ANO2: variants seen among roughly 807,000 people sequenced by gnomAD.
ANO2 encodes anoctamin-2.
Under a neutral mutation model 124.2 loss-of-function variants are expected in ANO2, and 101 were observed. That is an observed-to-expected ratio of 0.81 (90% CI 0.69 to 0.96). The LOEUF (loss-of-function observed/expected upper bound fraction) is 0.96. ANO2 is among the 40% of genes least tolerant of loss of function. ANO2 has a pLI of 0.00. For synonymous variants in ANO2, 486 were observed against 482.5 expected (o/e 1.01, Z -0.09); for missense variants, 1,293 against 1,274.5 (o/e 1.01, Z -0.22).
intron 14 of ANO2, among the ~76,000 whole-genome samples, chr12:5,662,700 T>C (rs541712539): frequency 1.3e-5 from 2 of 152,366 alleles, no homozygotes; most frequent in African/African-American, 4.8e-5. Context: ...GACGCTGCAA[T>C]TGGCCCTCAT....
At chr12:5,834,603 A>G (rs1954259666) in intron 4 of ANO2, among the ~76,000 whole-genome samples, 1 of 152,236 alleles carries the variant, frequency 6.6e-6, no homozygotes, top group African/African-American at 2.4e-5. Context: ...ACAGGGCAAG[A>G]GCCTCCCCAG....
chr12:5,840,869 G>T (rs992534845), intron 4 of ANO2, among the ~76,000 whole-genome samples: 10 of 152,118 alleles, frequency 6.6e-5, no homozygotes, highest in African/African-American at 2.4e-4. Context: ...ATTACTTATG[G>T]TATCTCACTC....
At chr12:5,792,673 C>T (rs573865583) in intron 10 of ANO2, among the ~76,000 whole-genome samples, 101 of 152,296 alleles carry the variant, frequency 6.6e-4, no homozygotes, top group African/African-American at 2.3e-3. Context: ...AATGGCTAGT[C>T]GAAGGCCAAT....
intron 1 of ANO2, among the ~76,000 whole-genome samples, chr12:5,923,171 CACGCACACACACAT>C (rs1941865242): frequency 1.9e-5 from 1 of 53,076 alleles, no homozygotes; most frequent in Non-Finnish European, 5.0e-5. Flanking sequence ...CATACACACA[CACGCACACACACAT>C]ACACACACAC....
At position 5,750,828 on chromosome 12, in the gene ANO2, T is replaced by C. The variant is rs1179115100; in HGVS notation, c.1190+8A>G. On this transcript the variant is annotated splice_region_variant and intron_variant, in intron 11 of 24. Coordinates refer to ENST00000682330, the MANE Select transcript of ANO2 (RefSeq NM_001364791.2). ...GCAACTGAGCCCTTTTCTTTAAAAC[T>C]GATTTACCTGGGAATATCTTCTTCA... The C allele has an allele frequency of 1.2e-6, 2 of 1,607,358 alleles. No homozygotes were observed. Among genetic ancestry groups the C allele is most frequent in the Admixed American group, 1.7e-5 (1 of 58,590 alleles).
Position 5,575,873 on chromosome 12 carries a change from G to C in ANO2, c.2582C>G (p.Pro861Arg). The change falls in exon 23 of 25, where the codon CCA becomes CGA. Residue 861 changes from proline to arginine, a missense_variant. By Grantham distance (103) the Pro-to-Arg change is moderately radical (BLOSUM62 -2). Coordinates refer to ENST00000682330, the MANE Select transcript of ANO2 (RefSeq NM_001364791.2). ...CTCCTGGTCAAACTGTGAGTTTTCTGGCTGCGTCCCCTCCTTCAGCTGGCT... is the reference window on the plus strand; with the variant it reads ...CTCCTGGTCAAACTGTGAGTTTTCTCGCTGCGTCCCCTCCTTCAGCTGGCT... The part of the protein sequence containing the change: ...NVSQLKEGTQ[P>R]ENSQFDQEVQ... The C allele has an allele frequency of 6.2e-7, 1 of 1,613,888 alleles. No individual in the cohort carries two copies. Among genetic ancestry groups the C allele is most frequent in the Non-Finnish European group, 8.5e-7 (1 of 1,179,864 alleles).
At chr12:5,791,950 T>C (rs1483114757) in intron 10 of ANO2, among the ~76,000 whole-genome samples, 1 of 152,166 alleles carries the variant, frequency 6.6e-6, no homozygotes, top group Non-Finnish European at 1.5e-5. Context: ...TTATTTGTAT[T>C]ATATTGTAAT....
chr12:5,924,352 T>C (rs143798489), intron 1 of ANO2, among the ~76,000 whole-genome samples: 30 of 152,320 alleles, frequency 2.0e-4, no homozygotes, highest in African/African-American at 6.7e-4. Context: ...GCTTTCATCA[T>C]TCCTTTCTAT....
At chr12:5,718,536 G>C (rs777139604) in intron 14 of ANO2, among the ~76,000 whole-genome samples, 1 of 152,232 alleles carries the variant, frequency 6.6e-6, no homozygotes, top group Non-Finnish European at 1.5e-5. Context: ...AAAGAACAAA[G>C]GAGGTGGGGG....
intron 6 of ANO2, 22 bp downstream of exon 6, chr12:5,830,412 AC>A: frequency 6.2e-7 from 1 of 1,610,518 alleles, no homozygotes; most frequent in Non-Finnish European, 8.5e-7. Context: ...CTCTTTCCTA[AC>A]ACAGTACATC....
At chr12:5,686,707 C>A (rs1445550963) in intron 14 of ANO2, among the ~76,000 whole-genome samples, 1 of 152,224 alleles carries the variant, frequency 6.6e-6, no homozygotes, top group Non-Finnish European at 1.5e-5. Flanking sequence ...GCAGCAAGCG[C>A]CCACCCAAGG....
intron 20 of ANO2, among the ~76,000 whole-genome samples, chr12:5,597,623 T>A (rs1943730205): frequency 6.6e-6 from 1 of 152,168 alleles, no homozygotes; most frequent in Admixed American, 6.5e-5. Context: ...ACAGACAAGG[T>A]TGACAAGCAT....
intron 3 of ANO2, among the ~76,000 whole-genome samples, chr12:5,874,985 G>T (rs1313699409): frequency 1.3e-5 from 2 of 152,158 alleles, no homozygotes; most frequent in Admixed American, 6.5e-5. Flanking sequence ...AAAAGTAGGT[G>T]GGAAGCTGGA....
intron 3 of ANO2, among the ~76,000 whole-genome samples, chr12:5,905,347 G>A (rs1940600367): frequency 6.6e-6 from 1 of 152,150 alleles, no homozygotes; most frequent in Non-Finnish European, 1.5e-5. Context: ...CAAAATAGGG[G>A]CAGTGGTAGT....
At chr12:5,940,027 G>A (rs796357753) in intron 1 of ANO2, among the ~76,000 whole-genome samples, 62 of 152,286 alleles carry the variant, frequency 4.1e-4, no homozygotes, top group African/African-American at 1.5e-3. Context: ...ACAAGGCAGG[G>A]ATATGGTAAA....
intron 6 of ANO2, 132 bp downstream of exon 6, chr12:5,830,303 C>A (rs1954109087): frequency 7.9e-6 from 7 of 883,784 alleles, no homozygotes; most frequent in Non-Finnish European, 1.2e-5. Context: ...CTTGCATACT[C>A]TTCTCTGTTG....
At chr12:5,761,428 T>C (rs1236603128) in intron 10 of ANO2, among the ~76,000 whole-genome samples, 2 of 152,120 alleles carry the variant, frequency 1.3e-5, no homozygotes, top group African/African-American at 2.4e-5. Flanking sequence ...TCCACAGATA[T>C]GGGTAAAAAA....
At chr12:5,888,787 A>AAT (rs1939166112) in intron 3 of ANO2, among the ~76,000 whole-genome samples, 1 of 152,218 alleles carries the variant, frequency 6.6e-6, no homozygotes, top group Admixed American at 6.5e-5. Context: ...GCTGGACATA[A>AAT]AGGTTCTCCA....
At chr12:5,838,274 A>T (rs1387845233) in intron 4 of ANO2, among the ~76,000 whole-genome samples, 1 of 152,212 alleles carries the variant, frequency 6.6e-6, no homozygotes. Context: ...GATGCTCCAT[A>T]TCACTGAAAG....
Sources: gnomAD v4.1 joint callset for allele counts (sites outside exome capture counted in the v4.1 genomes callset) on GRCh38, gnomAD v4.1.1 for gene constraint, MANE v1.5 for transcripts, NCBI Gene and HGNC (gene_info 2026-07-23, HGNC 2026-07-21) for gene names.